Variants in DGCR2 observed in about 807,000 individuals in gnomAD.
DGCR2 encodes the protein DiGeorge syndrome critical region gene 2.
DGCR2 carries 24 observed loss-of-function variants against 51.6 expected under a neutral mutation model. The ratio of observed to expected loss-of-function variants is 0.47; its 90% confidence interval spans 0.34 to 0.65. The LOEUF is 0.65. DGCR2 is among the 30% of genes least tolerant of loss of function. DGCR2 has a pLI of 0.01. For missense variants in DGCR2, 765 were observed against 772.1 expected (o/e 0.99, Z 0.11); for synonymous variants, 340 against 315.4 (o/e 1.08, Z -0.82).
chr22:19,118,091 G>A (rs777510346), intron 1 of DGCR2, among the ~76,000 whole-genome samples: 5 of 152,018 alleles, frequency 3.3e-5, no homozygotes, highest in Non-Finnish European at 5.9e-5. Context: ...ACTCCAGCCG[G>A]GGAGAGGTGG....
chr22:19,060,333 G>A (rs758031312), intron 5 of DGCR2, among the ~76,000 whole-genome samples: 1 of 152,166 alleles, frequency 6.6e-6, no homozygotes, highest in Non-Finnish European at 1.5e-5. Context: ...AGAAGAAGAC[G>A]GAGACCATAA....
intron 4 of DGCR2, among the ~76,000 whole-genome samples, chr22:19,064,605 G>A (rs578174048): frequency 3.3e-5 from 5 of 152,292 alleles, no homozygotes; most frequent in Admixed American, 2.0e-4. Flanking sequence ...AATGAAAGGG[G>A]CTGCCCCACA....
intron 1 of DGCR2, among the ~76,000 whole-genome samples, chr22:19,101,738 A>T (rs1293281209): frequency 2.4e-5 from 1 of 40,854 alleles, no homozygotes; most frequent in African/African-American, 1.4e-4. Flanking sequence ...CAAAACTGTT[A>T]AAAAAAAAAA....
Position 19,122,221 on chromosome 22 carries a change from T to C in DGCR2, c.-15A>G, listed in dbSNP as rs1425527234. On this transcript the variant is annotated 5_prime_UTR_variant, in exon 1 of 10. It removes an upstream start codon present in the reference 5' UTR. Coordinates refer to ENST00000263196, the MANE Select transcript of DGCR2 (RefSeq NM_005137.3). ...TTGGGCACCATTTATCCTCCGTTCA[T>C]CGTCCCCGGGGCGGCTGGAAGGCCG... is the stretch of plus-strand genomic sequence containing the variant. 1.4e-6 allele frequency: 2 copies of C among 1,405,428 alleles called. No homozygotes were observed. The highest frequency in any genetic ancestry group is 1.4e-5 in the South Asian group (1 of 73,202). 87.1% of individuals were successfully genotyped at this position (1,405,428 alleles called of 1,614,324 possible).
intron 5 of DGCR2, 111 bp downstream of exon 5, chr22:19,063,091 G>GT: frequency 1.9e-6 from 2 of 1,039,410 alleles, no homozygotes; most frequent in African/African-American, 1.6e-5. Context: ...CCCACTCCCT[G>GT]CACAGCACCC....
chr22:19,067,545 T>C (rs925191080), intron 3 of DGCR2, among the ~76,000 whole-genome samples: 3 of 151,796 alleles, frequency 2.0e-5, no homozygotes, highest in Admixed American at 1.3e-4. Flanking sequence ...ATACAAAAAT[T>C]AGCCGGGCGT....
intron 5 of DGCR2, 51 bp downstream of exon 5, chr22:19,063,151 C>A: frequency 6.4e-7 from 1 of 1,560,328 alleles, no homozygotes. Flanking sequence ...GGCCCCGAAT[C>A]AGGGTGACTC....
chr22:19,043,690 T>A (rs2082457894), intron 7 of DGCR2, among the ~76,000 whole-genome samples: 2 of 142,066 alleles, frequency 1.4e-5, no homozygotes, highest in Admixed American at 1.4e-4. Context: ...TGCAACAATC[T>A]CGGCAGGCAG....
chr22:19,085,285 A>C (rs1224907282), intron 2 of DGCR2, among the ~76,000 whole-genome samples: 1 of 152,212 alleles, frequency 6.6e-6, no homozygotes, highest in African/African-American at 2.4e-5. Context: ...CATTGTCAAG[A>C]GTCAGGAAGC....
At chr22:19,111,690 C>A (rs73388751) in intron 1 of DGCR2, among the ~76,000 whole-genome samples, 19 of 152,218 alleles carry the variant, frequency 1.2e-4, no homozygotes, top group African/African-American at 4.6e-4. Flanking sequence ...CACTGCATAC[C>A]CAAAGACTAT....
chr22:19,111,208 G>A (rs1182256936), intron 1 of DGCR2, among the ~76,000 whole-genome samples: 1 of 152,192 alleles, frequency 6.6e-6, no homozygotes, highest in African/African-American at 2.4e-5. Context: ...AGATCACAGA[G>A]GGTGGTCACC....
At chr22:19,100,536 G>A (rs1431594628) in intron 1 of DGCR2, among the ~76,000 whole-genome samples, 1 of 151,774 alleles carries the variant, frequency 6.6e-6, no homozygotes, top group African/African-American at 2.4e-5. Context: ...CGTGGTGGTG[G>A]GTGCCTGTGG....
chr22:19,037,097 G>A lies in DGCR2; in HGVS notation c.*1768C>T, dbSNP rs75228861. The stretch of plus-strand genomic sequence containing the variant: ...TGCCCCAGTGCATGTGGGATCCACG[G>A]CATGCTTCCTGCTTCGTCCTCTGCA... On this transcript the variant is annotated 3_prime_UTR_variant, in exon 10 of 10. Coordinates refer to ENST00000263196, the MANE Select transcript of DGCR2 (RefSeq NM_005137.3). 0.019 allele frequency: 2,963 copies of A among 152,404 alleles called. 68 individuals are homozygous for A. Among genetic ancestry groups the A allele is most frequent in the South Asian group, 0.043 (207 of 4,826 alleles). The allele number at this position is 152,404 out of a possible 1,614,324, so 9.4% of individuals were successfully genotyped here.
chr22:19,037,482 G>A lies in DGCR2; in HGVS notation c.*1383C>T, dbSNP rs2146295272. On this transcript the variant is annotated 3_prime_UTR_variant, in exon 10 of 10. Transcript: ENST00000263196. ...TGCCCCGCTGGTCTGGAAAGACTGA[G>A]CGAGACAGCACTGCCTCAGCACAGC... 1 of 152,394 alleles carries A rather than the reference G, an allele frequency of 6.6e-6. No individual in the cohort carries two copies. Among genetic ancestry groups the A allele is most frequent in the Admixed American group, 6.5e-5 (1 of 15,300 alleles). 9.4% of individuals were successfully genotyped at this position (152,394 alleles called of 1,614,324 possible). A position where few individuals can be genotyped will look rare whatever the true frequency, so the allele number is the denominator to read the frequency against.
intron 1 of DGCR2, among the ~76,000 whole-genome samples, chr22:19,096,734 G>A (rs2083144907): frequency 6.6e-6 from 1 of 151,688 alleles, no homozygotes; most frequent in South Asian, 2.1e-4. Flanking sequence ...TTTAGAGATG[G>A]GGTCTTACTA....
chr22:19,108,924 G>A (rs1031331785), intron 1 of DGCR2, among the ~76,000 whole-genome samples: 2 of 151,940 alleles, frequency 1.3e-5, no homozygotes, highest in African/African-American at 4.8e-5. Context: ...CCAACTACAT[G>A]GGAGGCTGAG....
At chr22:19,107,227 C>T (rs2083269108) in intron 1 of DGCR2, among the ~76,000 whole-genome samples, 1 of 152,162 alleles carries the variant, frequency 6.6e-6, no homozygotes, top group Non-Finnish European at 1.5e-5. Flanking sequence ...CCCCTGGACC[C>T]TGGAGCTCCT....
At chr22:19,101,045 C>T (rs942284038) in intron 1 of DGCR2, among the ~76,000 whole-genome samples, 1 of 151,642 alleles carries the variant, frequency 6.6e-6, no homozygotes, top group African/African-American at 2.4e-5. Flanking sequence ...GGTGGATGGT[C>T]CTTTGCAGTG....
chr22:19,040,568 C>G (rs1464064120), intron 9 of DGCR2, among the ~76,000 whole-genome samples: 1 of 152,204 alleles, frequency 6.6e-6, no homozygotes, highest in Non-Finnish European at 1.5e-5. Flanking sequence ...GTGGTAGGCT[C>G]CAACTATGGG....
Sources: gnomAD v4.1 joint callset for allele counts (sites outside exome capture counted in the v4.1 genomes callset) on GRCh38, gnomAD v4.1.1 for gene constraint, MANE v1.5 for transcripts, NCBI Gene and HGNC (gene_info 2026-07-23, HGNC 2026-07-21) for gene names.